Variants in ZC3H14 observed in about 807,000 individuals in gnomAD.
The protein encoded by ZC3H14 is zinc finger CCCH-type containing 14, also known as zinc finger CCCH domain-containing protein 14.
ZC3H14 carries 31 observed loss-of-function variants against 92.4 expected under a neutral mutation model. That is an observed-to-expected ratio of 0.34 (90% CI 0.25 to 0.45). The LOEUF (loss-of-function observed/expected upper bound fraction) is 0.45. Among genes scored for constraint, ZC3H14 ranks in the 20% least tolerant of loss-of-function variants. The pLI is 1.00. For missense variants in ZC3H14, 781 were observed against 897.3 expected, an observed-to-expected ratio of 0.87 and a Z score of 1.66; for synonymous variants, 321 against 300.9, an observed-to-expected ratio of 1.07 and a Z score of -0.69.
At chr14:88,594,722 C>T (rs1390877521) in intron 9 of ZC3H14, 2 of 1,613,940 alleles carry the variant, frequency 1.2e-6, no homozygotes, top group East Asian at 4.5e-5. Flanking sequence ...GTTCCTGTCA[C>T]CTTTATGAGA....
rs2087653047 is a variant in ZC3H14 at position 88,616,570 on chromosome 14, T to C, written c.*4819T>C. On this transcript the variant is annotated 3_prime_UTR_variant, in exon 17 of 17. Transcript: ENST00000251038. The stretch of plus-strand genomic sequence containing the variant: ...TATTACTCGAGGGAGAGGATTTGTT[T>C]CTAATAGCTTTTATTTCAAAGTAAA... 7 of 766,174 alleles carry C rather than the reference T, an allele frequency of 9.1e-6. No homozygotes were observed. The highest frequency in any genetic ancestry group is 1.4e-5 in the Non-Finnish European group (7 of 491,518). 47.5% of individuals were successfully genotyped at this position (766,174 alleles called of 1,614,324 possible).
chr14:88,602,626 G>A (rs920290303), intron 11 of ZC3H14, among the ~76,000 whole-genome samples: 8 of 152,160 alleles, frequency 5.3e-5, no homozygotes, highest in African/African-American at 1.9e-4. Flanking sequence ...AGGGTCACTG[G>A]TGATGCCACT....
intron 13 of ZC3H14, chr14:88,608,370 T>C: frequency 2.2e-6 from 1 of 446,418 alleles, no homozygotes; most frequent in South Asian, 1.7e-5. Context: ...CTGCAAGTCA[T>C]AGCCAGCTGA....
intron 2 of ZC3H14, among the ~76,000 whole-genome samples, chr14:88,564,250 CCTCT>C (rs1208307626): frequency 6.6e-6 from 1 of 152,020 alleles, no homozygotes; most frequent in African/African-American, 2.4e-5. Flanking sequence ...TTATGTTTTC[CCTCT>C]CTCTCTGAAA....
chr14:88,624,704 T>C lies in ZC3H14; in HGVS notation c.*12953T>C, dbSNP rs1015501060. On this transcript the variant is annotated 3_prime_UTR_variant, in exon 17 of 17. Transcript: ENST00000251038. Reference sequence around the variant, plus strand: ...CAAATCATACACAGGCATACAGACATTAAGAAAAGTAACTCAACTTGTAGG... The same window carrying C: ...CAAATCATACACAGGCATACAGACACTAAGAAAAGTAACTCAACTTGTAGG... 2 of 393,592 alleles carry C rather than the reference T, an allele frequency of 5.1e-6. No homozygotes were observed. Among genetic ancestry groups the C allele is most frequent in the African/African-American group, 4.1e-5 (2 of 48,286 alleles). 24.4% of individuals were successfully genotyped at this position (393,592 alleles called of 1,614,324 possible). A position where few individuals can be genotyped will look rare whatever the true frequency, so the allele number is the denominator to read the frequency against.
At chr14:88,565,366 C>T (rs1019112182) in intron 2 of ZC3H14, among the ~76,000 whole-genome samples, 2 of 152,150 alleles carry the variant, frequency 1.3e-5, no homozygotes, top group Non-Finnish European at 2.9e-5. Context: ...TGGTCTCAAA[C>T]TCCTGACCTT....
At chr14:88,578,189 G>T (rs762094613) in intron 9 of ZC3H14, 49 bp downstream of exon 9, 33 of 1,598,942 alleles carry the variant, frequency 2.1e-5, no homozygotes, top group Non-Finnish European at 2.8e-5. Context: ...TTTTCATGAG[G>T]CATTGAATAT....
Position 88,563,074 on chromosome 14 carries a change from C to A in ZC3H14, c.-60C>A, listed in dbSNP as rs976052467. 8 of 1,544,362 alleles carry A rather than the reference C, an allele frequency of 5.2e-6. No individual in the cohort carries two copies. In the East Asian group the frequency reaches 1.9e-4, roughly 38 times the overall value. On this transcript the variant is annotated 5_prime_UTR_variant, in exon 1 of 17. Transcript: ENST00000251038. Reference sequence around the variant, plus strand: ...GTCCCGGCTGCGGGGTAGGAGTCCGCGGCAGCCTCCGGGTAAGCCAAGCGC... The same window carrying A: ...GTCCCGGCTGCGGGGTAGGAGTCCGAGGCAGCCTCCGGGTAAGCCAAGCGC...
Position 88,572,854 on chromosome 14 carries a change from G to A in ZC3H14, c.708G>A (p.Gln236=). The A allele has an allele frequency of 6.2e-7, 1 of 1,614,196 alleles. No individual in the cohort carries two copies. The highest frequency in any genetic ancestry group is 8.5e-7 in the Non-Finnish European group (1 of 1,180,036). ...ATTTAAACAGGTTGCAATTTCAACA[G>A]CAGCAGAATAGTATTCATGCTGCCA... ...GVHLNRLQFQ[Q]QQNSIHAAKQ... Residue 236 remains glutamine, a synonymous_variant, in exon 6 of 17, where the codon CAG becomes CAA. Transcript: ENST00000251038.
chr14:88,609,248 CTTTTTT>C lies in ZC3H14; in HGVS notation c.1869-15_1869-10del. The C allele has an allele frequency of 6.2e-7, 1 of 1,605,494 alleles. No homozygotes were observed. Among genetic ancestry groups the C allele is most frequent in the Non-Finnish European group, 8.5e-7 (1 of 1,174,336 alleles). On this transcript the variant is annotated splice_polypyrimidine_tract_variant and intron_variant, in intron 13 of 16. Transcript: ENST00000251038. ...TTGAGAAGATTGAATATGAAATATG[CTTTTTT>C]TTTGTTTTGTAGAGCCTTCCCCAAT...
chr14:88,605,861 C>T (rs1448783681), intron 12 of ZC3H14, among the ~76,000 whole-genome samples: 1 of 152,056 alleles, frequency 6.6e-6, no homozygotes, highest in Non-Finnish European at 1.5e-5. Flanking sequence ...GCATTTTTTC[C>T]GTTTAATCAT....
chr14:88,584,959 A>AT (rs1233489712), intron 9 of ZC3H14, among the ~76,000 whole-genome samples: 2 of 152,170 alleles, frequency 1.3e-5, no homozygotes, highest in Non-Finnish European at 2.9e-5. Flanking sequence ...TAAAAAAAAA[A>AT]GAAAAAGAAA....
chr14:88,579,002 CCTTTTGTCT>C (rs1240750836), intron 9 of ZC3H14, among the ~76,000 whole-genome samples: 5 of 151,940 alleles, frequency 3.3e-5, no homozygotes, highest in Non-Finnish European at 7.4e-5. Flanking sequence ...ACTCTTCAGA[CCTTTTGTCT>C]CTTTTGTCGT....
intron 2 of ZC3H14, among the ~76,000 whole-genome samples, chr14:88,564,999 A>G (rs1209908655): frequency 6.6e-6 from 1 of 152,214 alleles, no homozygotes; most frequent in Non-Finnish European, 1.5e-5. Context: ...AAAAGAATCC[A>G]TAGTCTTTGT....
At chr14:88,563,502 G>C (rs1308451051) in intron 1 of ZC3H14, 149 bp from the exon 2 acceptor site, 16 of 1,506,292 alleles carry the variant, frequency 1.1e-5, no homozygotes, top group African/African-American at 5.5e-5. Context: ...GGTGCGGGGT[G>C]GGGGGCGGTG....
rs1166211830 is a variant in ZC3H14 at position 88,563,183 on chromosome 14, C to G, written c.36+14C>G. The G allele has an allele frequency of 1.9e-6, 3 of 1,603,004 alleles. No individual in the cohort carries two copies. Among genetic ancestry groups the G allele is most frequent in the Non-Finnish European group, 8.5e-7 (1 of 1,176,412 alleles). ...CGCAAGATCCGGGTGAGGCCCGTGC[C>G]GGTCGGGGGTGGGAAGCCAGGTCTC... On this transcript the variant is annotated intron_variant, in intron 1 of 16. Coordinates refer to ENST00000251038, the MANE Select transcript of ZC3H14 (RefSeq NM_024824.5).
chr14:88,622,239 ATTGT>A lies in ZC3H14; in HGVS notation c.*10495_*10498del, dbSNP rs1043636071. The A allele has an allele frequency of 1.7e-5, 3 of 177,228 alleles. No individual in the cohort carries two copies. The highest frequency in any genetic ancestry group is 3.6e-5 in the Non-Finnish European group (3 of 83,560). The allele number at this position is 177,228 out of a possible 1,614,324, so 11.0% of individuals were successfully genotyped here. ...ATTTTTTATGGCTGAGTAGTATTTCATTGTTTGTTTACTGCACGTTTTATCTAGG... is the reference window on the plus strand; with the variant it reads ...ATTTTTTATGGCTGAGTAGTATTTCATTGTTTACTGCACGTTTTATCTAGG... On this transcript the variant is annotated 3_prime_UTR_variant, in exon 17 of 17. Coordinates refer to ENST00000251038, the MANE Select transcript of ZC3H14 (RefSeq NM_024824.5).
chr14:88,574,034 C>T (rs2080840915), intron 6 of ZC3H14, among the ~76,000 whole-genome samples: 1 of 152,078 alleles, frequency 6.6e-6, no homozygotes, highest in Non-Finnish European at 1.5e-5. Flanking sequence ...TTGGGATTTC[C>T]AGCATTTGAG....
chr14:88,589,075 C>A (rs2082788022), intron 9 of ZC3H14, among the ~76,000 whole-genome samples: 1 of 151,770 alleles, frequency 6.6e-6, no homozygotes, highest in African/African-American at 2.4e-5. Flanking sequence ...TTTTTTCTTG[C>A]TCTTTCGATT....
Sources: gnomAD v4.1 joint callset for allele counts (sites outside exome capture counted in the v4.1 genomes callset) on GRCh38, gnomAD v4.1.1 for gene constraint, MANE v1.5 for transcripts, NCBI Gene and HGNC (gene_info 2026-07-23, HGNC 2026-07-21) for gene names.